PRR16: variants seen among roughly 807,000 people sequenced by gnomAD.
The protein encoded by PRR16 is proline rich 16, also known as protein Largen.
In PRR16, 6 loss-of-function variants were observed where a neutral mutation model predicts 18.2. The ratio of observed to expected loss-of-function variants is 0.33; its 90% CI spans 0.18 to 0.65. The LOEUF is 0.65. PRR16 is among the 30% of genes least tolerant of loss of function. PRR16 has a pLI of 0.74. For missense variants in PRR16, 412 were observed against 376.6 expected (o/e 1.09, Z -0.78); for synonymous variants, 151 against 147.8 (o/e 1.02, Z -0.16).
At chr5:120,671,487 A>T (rs1756602171) in intron 1 of PRR16, among the ~76,000 whole-genome samples, 1 of 152,130 alleles carries the variant, frequency 6.6e-6, no homozygotes, top group Non-Finnish European at 1.5e-5. Flanking sequence ...TACAGTGAAA[A>T]TATATGCCTG....
chr5:120,652,163 G>A (rs78853434), intron 1 of PRR16, among the ~76,000 whole-genome samples: 111 of 152,146 alleles, frequency 7.3e-4, no homozygotes, highest in African/African-American at 2.5e-3. Context: ...TTAATATAAA[G>A]ATCAAGTCAA....
At chr5:120,755,460 G>A in the PRR16 span, among the ~76,000 whole-genome samples, 2 of 151,914 alleles carry the variant, frequency 1.3e-5, no homozygotes, top group African/African-American at 2.4e-5. Context: ...GTTTAGCTCC[G>A]AATTATGTGA....
chr5:120,762,661 T>A, the PRR16 span, among the ~76,000 whole-genome samples: 1 of 152,178 alleles, frequency 6.6e-6, no homozygotes, highest in Non-Finnish European at 1.5e-5. Flanking sequence ...ATTGCTTGAG[T>A]ACCTTGTGTG....
chr5:120,587,870 A>G (rs1753500082), intron 1 of PRR16, among the ~76,000 whole-genome samples: 1 of 152,182 alleles, frequency 6.6e-6, no homozygotes, highest in African/African-American at 2.4e-5. Context: ...AATTCTTCTG[A>G]TGGATATGGG....
the PRR16 span, among the ~76,000 whole-genome samples, chr5:120,764,987 A>C: frequency 4.8e-5 from 7 of 146,862 alleles, no homozygotes; most frequent in East Asian, 1.4e-3. Flanking sequence ...ACTGCAAAAG[A>C]CTGAAGAGCC....
At chr5:120,728,929 T>G in the PRR16 span, among the ~76,000 whole-genome samples, 1 of 152,166 alleles carries the variant, frequency 6.6e-6, no homozygotes, top group Non-Finnish European at 1.5e-5. Flanking sequence ...TAGCACAGAA[T>G]ACCTTAAATA....
At chr5:120,742,774 A>T in the PRR16 span, among the ~76,000 whole-genome samples, 1 of 152,218 alleles carries the variant, frequency 6.6e-6, no homozygotes, top group Non-Finnish European at 1.5e-5. Flanking sequence ...ATAAGTCCAC[A>T]ATGAGTCTCA....
chr5:120,469,389 C>T (rs1195811265), intron 1 of PRR16, among the ~76,000 whole-genome samples: 4 of 152,202 alleles, frequency 2.6e-5, no homozygotes, highest in African/African-American at 9.6e-5. Flanking sequence ...TGTTAGAGAT[C>T]TTGGCTCACT....
At chr5:120,716,777 C>G in the PRR16 span, among the ~76,000 whole-genome samples, 1 of 152,134 alleles carries the variant, frequency 6.6e-6, no homozygotes, top group African/African-American at 2.4e-5. Flanking sequence ...GAGGCTAAAG[C>G]AGGAGAATTG....
At chr5:120,695,163 G>T in the PRR16 span, among the ~76,000 whole-genome samples, 2 of 152,006 alleles carry the variant, frequency 1.3e-5, no homozygotes, top group Non-Finnish European at 2.9e-5. Flanking sequence ...CAAAAATCGA[G>T]TATTTGGATT....
At chr5:120,790,182 A>T in the PRR16 span, 1 of 152,242 alleles carries the variant, frequency 6.6e-6, no homozygotes, top group Non-Finnish European at 1.5e-5. Context: ...CTTGGGGGTA[A>T]AAAAAGCCAC....
chr5:120,726,811 T>G, the PRR16 span, among the ~76,000 whole-genome samples: 2 of 152,124 alleles, frequency 1.3e-5, no homozygotes, highest in Non-Finnish European at 2.9e-5. Flanking sequence ...ATGGGCTGAA[T>G]TCAGGGCTGT....
chr5:120,702,883 C>G, the PRR16 span, among the ~76,000 whole-genome samples: 1 of 152,152 alleles, frequency 6.6e-6, no homozygotes, highest in South Asian at 2.1e-4. Flanking sequence ...GTGGATCTTT[C>G]TCAGGGAGCA....
At chr5:120,789,120 T>C in the PRR16 span, among the ~76,000 whole-genome samples, 3 of 152,054 alleles carry the variant, frequency 2.0e-5, no homozygotes, top group African/African-American at 7.2e-5. Flanking sequence ...AAAAATACAC[T>C]TAAAGGCATT....
chr5:120,489,330 G>A (rs538094660), intron 1 of PRR16, among the ~76,000 whole-genome samples: 3 of 152,260 alleles, frequency 2.0e-5, no homozygotes, highest in African/African-American at 7.2e-5. Flanking sequence ...ACGAATCTGG[G>A]TGCTCCTGTA....
At chr5:120,706,811 G>C in the PRR16 span, among the ~76,000 whole-genome samples, 2 of 152,140 alleles carry the variant, frequency 1.3e-5, no homozygotes, top group East Asian at 3.9e-4. Context: ...TCAACTTCTT[G>C]GAGAAAAAAG....
intron 1 of PRR16, among the ~76,000 whole-genome samples, chr5:120,680,806 G>A (rs1213368414): frequency 6.6e-6 from 1 of 152,088 alleles, no homozygotes; most frequent in Non-Finnish European, 1.5e-5. Flanking sequence ...CTGAGTGTGT[G>A]GTTTTTAGTG....
At chr5:120,703,282 T>C in the PRR16 span, among the ~76,000 whole-genome samples, 1 of 152,162 alleles carries the variant, frequency 6.6e-6, no homozygotes, top group African/African-American at 2.4e-5. Flanking sequence ...TGTGGTGGAA[T>C]GTTATCAGTT....
chr5:120,516,279 G>C (rs143579166), intron 1 of PRR16, among the ~76,000 whole-genome samples: 3,534 of 152,170 alleles, frequency 0.023, 52 homozygotes, highest in East Asian at 0.032. Context: ...ACAAAAATTA[G>C]CTGGGTGTGG....
Sources: gnomAD v4.1 joint callset for allele counts (sites outside exome capture counted in the v4.1 genomes callset) on GRCh38, gnomAD v4.1.1 for gene constraint, MANE v1.5 for transcripts, NCBI Gene and HGNC (gene_info 2026-07-23, HGNC 2026-07-21) for gene names.